CBR3: variants seen among roughly 807,000 people sequenced by gnomAD.
CBR3 encodes carbonyl reductase 3.
Under a neutral mutation model 11.6 loss-of-function variants are expected in CBR3, and 14 were observed. The ratio of observed to expected loss-of-function variants is 1.20; its 90% CI spans 0.79 to 1.88. CBR3 has a LOEUF of 1.88. Ranked by LOEUF, CBR3 falls within the 40% of genes most tolerant of loss-of-function variation. The pLI is 0.00. For synonymous variants in CBR3, 125 were observed against 145.6 expected (o/e 0.86, Z 1.02); for missense variants, 308 against 357.3 (o/e 0.86, Z 1.11).
intron 2 of CBR3, among the ~76,000 whole-genome samples, chr21:36,139,542 C>G (rs532338702): frequency 6.6e-6 from 1 of 151,878 alleles, no homozygotes; most frequent in Non-Finnish European, 1.5e-5. Flanking sequence ...CCGCTACGCC[C>G]GGCTAATTTT....
chr21:36,137,015 G>C (rs367992949), intron 1 of CBR3: 6 of 119,844 alleles, frequency 5.0e-5, no homozygotes, highest in African/African-American at 1.7e-4. Flanking sequence ...GCGACAGAGC[G>C]AGACTCTGCC....
At chr21:36,142,436 A>AAACAAAAAAAAAAC (rs1555883299) in intron 2 of CBR3, among the ~76,000 whole-genome samples, 7 of 119,628 alleles carry the variant, frequency 5.9e-5, no homozygotes, top group Non-Finnish European at 1.2e-4. Context: ...CATCTCAAAA[A>AAACAAAAAAAAAAC]AAAAAAAAAA....
rs749106819 is a variant in CBR3, at chr21:36,137,849, T to C, written c.314T>C (p.Ile105Thr). Residue 105 changes from isoleucine to threonine, a missense_variant, in exon 2 of 3, where the codon ATT (isoleucine) becomes ACT (threonine). Physicochemically the swap from Ile to Thr is moderately conservative, Grantham distance 89. Coordinates refer to ENST00000290354, the MANE Select transcript of CBR3 (RefSeq NM_001236.4). Reference protein sequence around the residue: ...FKSDDPMPFDIKAEMTLKTNF... With the variant: ...FKSDDPMPFDTKAEMTLKTNF... ...GGTGATGATCCAATGCCCTTTGACATTAAAGCTGAGATGACACTGAAGACA... is the reference window on the plus strand; with the variant it reads ...GGTGATGATCCAATGCCCTTTGACACTAAAGCTGAGATGACACTGAAGACA... The C allele has an allele frequency of 1.2e-6, 2 of 1,607,006 alleles. No individual in the cohort carries two copies. Among genetic ancestry groups the C allele is most frequent in the East Asian group, 2.2e-5 (1 of 44,844 alleles).
chr21:36,135,425 G>A lies in CBR3; in HGVS notation c.233G>A (p.Arg78His), dbSNP rs772971334. Residue 78 changes from arginine to histidine, a missense_variant, in exon 1 of 3, where the codon CGC (arginine) becomes CAC (histidine). Arg to His is a conservative substitution (Grantham distance 29). Transcript: ENST00000290354. ...ATCCGCGCCCTGCGCGACTTCCTGC[G>A]CAAGGAGTACGGGGGGCTCAACGTA... ...QSIRALRDFL[R>H]KEYGGLNVLV... 2 of 1,613,618 alleles carry A rather than the reference G, an allele frequency of 1.2e-6. No homozygotes were observed. The highest frequency in any genetic ancestry group is 1.7e-6 in the Non-Finnish European group (2 of 1,179,798).
At position 36,137,808 on chromosome 21, in the gene CBR3, CTT is replaced by C; in HGVS notation, c.290-15_290-14del. 1 of 1,453,090 alleles carries C rather than the reference CTT, an allele frequency of 6.9e-7. No individual in the cohort carries two copies. The highest frequency in any genetic ancestry group is 9.7e-7 in the Non-Finnish European group (1 of 1,035,756). The allele number at this position is 1,453,090 out of a possible 1,614,324, so 90.0% of individuals were successfully genotyped here. A position where few individuals can be genotyped will look rare whatever the true frequency, so the allele number is the denominator to read the frequency against. The stretch of plus-strand genomic sequence containing the variant: ...GAAAAATATGACTTTCTTTTTGTTT[CTT>C]TCTCTTTTTGAAAGGTGATGATCCA... On this transcript the variant is annotated splice_polypyrimidine_tract_variant and intron_variant, in intron 1 of 2. Coordinates refer to ENST00000290354, the MANE Select transcript of CBR3 (RefSeq NM_001236.4).
Position 36,137,930 on chromosome 21 carries a change from A to G in CBR3, c.395A>G (p.His132Arg). Residue 132 changes from histidine to arginine, a missense_variant and splice_region_variant, in exon 2 of 3, where the codon CAT becomes CGT. His to Arg is a conservative substitution (Grantham distance 29). Transcript: ENST00000290354. The part of the protein sequence containing the change: ...CNELLPIMKP[H>R]GRVVNISSLQ... ...GAGTTACTGCCGATAATGAAACCTCATGGTAAGCCCAACGTGTGGACAGTC... is the reference window on the plus strand; with the variant it reads ...GAGTTACTGCCGATAATGAAACCTCGTGGTAAGCCCAACGTGTGGACAGTC... 1 of 1,573,158 alleles carries G rather than the reference A, an allele frequency of 6.4e-7. No homozygotes were observed. The highest frequency in any genetic ancestry group is 8.7e-7 in the Non-Finnish European group (1 of 1,143,266).
At chr21:36,136,765 T>C (rs2105750) in intron 1 of CBR3, among the ~76,000 whole-genome samples, 126,081 of 152,080 alleles carry the variant, frequency 0.83, 52,441 homozygotes, top group Non-Finnish European at 0.87. Context: ...CGGTGGCTCA[T>C]GCCTGTAATC....
At chr21:36,138,475 G>A (rs1753942642) in intron 2 of CBR3, 1 of 152,790 alleles carries the variant, frequency 6.5e-6, no homozygotes, top group Admixed American at 6.5e-5. Flanking sequence ...AAAGATAAGT[G>A]TGACATATCA....
At chr21:36,143,397 G>A (rs2065728841) in intron 2 of CBR3, among the ~76,000 whole-genome samples, 1 of 152,058 alleles carries the variant, frequency 6.6e-6, no homozygotes, top group South Asian at 2.1e-4. Flanking sequence ...GTTTGATGCT[G>A]ATGAAATGTG....
At chr21:36,139,186 A>G (rs953434649) in intron 2 of CBR3, among the ~76,000 whole-genome samples, 7 of 152,228 alleles carry the variant, frequency 4.6e-5, no homozygotes, top group African/African-American at 1.7e-4. Context: ...AATGGTGAGC[A>G]TTATAGACAG....
chr21:36,141,689 C>G (rs1310371304), intron 2 of CBR3: 1 of 152,442 alleles, frequency 6.6e-6, no homozygotes, highest in South Asian at 2.1e-4. Flanking sequence ...GTTTCGGGAC[C>G]GGTGGGGCCA....
intron 2 of CBR3, among the ~76,000 whole-genome samples, chr21:36,143,348 G>T (rs377708358): frequency 6.6e-6 from 1 of 151,744 alleles, no homozygotes; most frequent in Non-Finnish European, 1.5e-5. Context: ...TATGCATTCA[G>T]AATAATACAT....
intron 2 of CBR3, among the ~76,000 whole-genome samples, chr21:36,139,192 G>C (rs1278938449): frequency 6.6e-6 from 1 of 152,078 alleles, no homozygotes; most frequent in African/African-American, 2.4e-5. Flanking sequence ...GAGCATTATA[G>C]ACAGGGACCA....
intron 1 of CBR3, among the ~76,000 whole-genome samples, chr21:36,136,449 C>T (rs1329576130): frequency 6.6e-6 from 1 of 152,170 alleles, no homozygotes; most frequent in Non-Finnish European, 1.5e-5. Flanking sequence ...CTAGGCACTC[C>T]GCATTGTTGT....
At chr21:36,135,688 C>T in intron 1 of CBR3, 1 of 533,508 alleles carries the variant, frequency 1.9e-6, no homozygotes. Flanking sequence ...AAACAGCGCG[C>T]CCCGCCCGCC....
intron 1 of CBR3, among the ~76,000 whole-genome samples, chr21:36,137,548 AAGGAAGGAAG>A (rs1351186998): frequency 8.9e-6 from 1 of 111,998 alleles, no homozygotes; most frequent in East Asian, 2.9e-4. Context: ...GGAAGGAAGG[AAGGAAGGAAG>A]GAAAGAAAAT....
intron 2 of CBR3, among the ~76,000 whole-genome samples, 171 bp downstream of exon 2, chr21:36,138,103 TTTTAGTTTAGTTTAGTTTAG>T (rs373138227): frequency 6.7e-6 from 1 of 150,116 alleles, no homozygotes; most frequent in Non-Finnish European, 1.5e-5. Context: ...CACTCCAACA[TTTTAGTTTAGTTTAGTTTAG>T]TTTAGTTTAG....
Position 36,146,262 on chromosome 21 carries a change from G to T in CBR3, c.584G>T (p.Gly195Val). 1.2e-6 allele frequency: 2 copies of T among 1,614,124 alleles called. No individual in the cohort carries two copies. The highest frequency in any genetic ancestry group is 1.7e-6 in the Non-Finnish European group (2 of 1,180,014). The part of the protein sequence containing the change: ...EREGWPNSPY[G>V]VSKLGVTVLS... The stretch of plus-strand genomic sequence containing the variant: ...GAAGGCTGGCCCAACTCACCTTATG[G>T]GGTGTCCAAGTTGGGGGTCACGGTC... The change falls in exon 3 of 3, where the codon GGG (glycine) becomes GTG (valine). Residue 195 changes from glycine (G) to valine (V), a missense_variant. Coordinates refer to ENST00000290354, the MANE Select transcript of CBR3 (RefSeq NM_001236.4).
intron 2 of CBR3, chr21:36,144,952 A>G (rs1458838102): frequency 6.6e-6 from 1 of 152,036 alleles, no homozygotes; most frequent in Non-Finnish European, 1.5e-5. Context: ...AAAATTACAA[A>G]AATTAGCTGG....
Sources: allele counts gnomAD v4.1 joint callset (sites outside exome capture counted in the v4.1 genomes callset), GRCh38; gene constraint gnomAD v4.1.1; transcripts MANE v1.5; gene names NCBI Gene and HGNC (gene_info 2026-07-23, HGNC 2026-07-21).